NRG1: variants seen among roughly 807,000 people sequenced by gnomAD.
NRG1 encodes pro-neuregulin-1, membrane-bound isoform.
NRG1 carries 18 observed loss-of-function variants against 63.8 expected under a neutral mutation model. The ratio of observed to expected loss-of-function variants is 0.28; its 90% CI spans 0.19 to 0.42. The LOEUF (loss-of-function observed/expected upper bound fraction) is 0.42, where lower values mean the gene tolerates loss of function less well. Ranked by LOEUF, NRG1 falls within the 10% of genes least tolerant of loss-of-function variation. The pLI is 1.00. For missense variants in NRG1, 762 were observed against 814.7 expected (o/e 0.94, Z 0.79); for synonymous variants, 302 against 301.3 (o/e 1.00, Z -0.02).
rs1002165847 is a variant in NRG1, at chr8:32,756,306, C to T, written c.795-97C>T. On this transcript the variant is annotated intron_variant, in intron 8 of 11. Transcript: ENST00000356819. Reference sequence around the variant, plus strand: ...CTCTTCCTCATCACCAGTCTACTGCCTTGAACTACTCATAGGTGTTGGTAG... The same window carrying T: ...CTCTTCCTCATCACCAGTCTACTGCTTTGAACTACTCATAGGTGTTGGTAG... 27 of 1,410,788 alleles carry T rather than the reference C, an allele frequency of 1.9e-5. No homozygotes were observed. In the African/African-American group the frequency reaches 3.8e-4, roughly 20 times the overall value. The allele number at this position is 1,410,788 out of a possible 1,614,324, so 87.4% of individuals were successfully genotyped here.
At chr8:32,058,366 A>T (rs1420683751) in intron 1 of NRG1, among the ~76,000 whole-genome samples, 2 of 152,050 alleles carry the variant, frequency 1.3e-5, no homozygotes, top group Non-Finnish European at 2.9e-5. Context: ...TACCTGGCAC[A>T]ACACATGCAT....
At chr8:31,871,271 G>T (rs556030548) in intron 1 of NRG1, among the ~76,000 whole-genome samples, 1 of 152,006 alleles carries the variant, frequency 6.6e-6, no homozygotes, top group Non-Finnish European at 1.5e-5. Context: ...TACTGTGCCC[G>T]TCCTTGTTTT....
chr8:32,440,293 C>T (rs1290465794), intron 1 of NRG1, among the ~76,000 whole-genome samples: 2 of 152,090 alleles, frequency 1.3e-5, no homozygotes, highest in African/African-American at 4.8e-5. Context: ...GACACAGAGT[C>T]AAACCATAGC....
At chr8:32,164,744 T>C (rs906416426) in intron 1 of NRG1, among the ~76,000 whole-genome samples, 7 of 152,238 alleles carry the variant, frequency 4.6e-5, no homozygotes, top group African/African-American at 1.7e-4. Context: ...TCTCCTTTAA[T>C]CAAAGATGGG....
chr8:31,654,217 C>T (rs910737920), intron 1 of NRG1, among the ~76,000 whole-genome samples: 1 of 152,160 alleles, frequency 6.6e-6, no homozygotes, highest in African/African-American at 2.4e-5. Context: ...ATATCATCCA[C>T]CTACTTCCTG....
At chr8:32,160,665 G>T (rs949179670) in intron 1 of NRG1, among the ~76,000 whole-genome samples, 2 of 152,210 alleles carry the variant, frequency 1.3e-5, no homozygotes, top group Admixed American at 1.3e-4. Context: ...GGGTCCTAAT[G>T]CCAGAGTGCT....
chr8:32,280,695 T>G (rs1199627869), intron 1 of NRG1, among the ~76,000 whole-genome samples: 22 of 120,326 alleles, frequency 1.8e-4, no homozygotes, highest in African/African-American at 6.6e-4. Context: ...TTTTTTGTTT[T>G]TTTTTTTTTT....
chr8:32,520,084 G>C lies in NRG1; in HGVS notation c.38-75744G>C, dbSNP rs564921758. On this transcript the variant is annotated intron_variant, in intron 1 of 10. Transcript: ENST00000519301. ...CTGTAATTGCATATGTGTATACTTA[G>C]GGGGTTAAAGCCTGGCTTCACCACT... Among the ~76,000 whole-genome samples the C allele has an allele frequency of 2.6e-5, 4 of 152,228 alleles. No homozygotes were observed. In the South Asian group the frequency reaches 6.2e-4, roughly 24 times the overall value.
chr8:32,064,965 CA>C (rs1282999579), intron 1 of NRG1, among the ~76,000 whole-genome samples: 2 of 152,064 alleles, frequency 1.3e-5, no homozygotes, highest in Non-Finnish European at 2.9e-5. Context: ...GTACATGATA[CA>C]AGTAAACTTG....
At chr8:32,218,738 T>C (rs1354225221) in intron 1 of NRG1, among the ~76,000 whole-genome samples, 1 of 152,206 alleles carries the variant, frequency 6.6e-6, no homozygotes, top group Non-Finnish European at 1.5e-5. Flanking sequence ...TCATTGTATG[T>C]GTCAAGAAGC....
chr8:32,634,556 A>G (rs1850958407), intron 5 of NRG1, among the ~76,000 whole-genome samples: 1 of 152,244 alleles, frequency 6.6e-6, no homozygotes, highest in South Asian at 2.1e-4. Flanking sequence ...TTCCACATTA[A>G]ATCCTGGTGT....
intron 1 of NRG1, chr8:32,139,578 G>A (rs1370994748): frequency 6.6e-6 from 1 of 152,122 alleles, no homozygotes; most frequent in Admixed American, 6.6e-5. Context: ...AAATGTAGAG[G>A]CCACTTATAG....
In NRG1 at chr8:32,756,384, C is replaced by A. The variant is rs769620465; in HGVS notation, c.795-19C>A. The A allele has an allele frequency of 6.3e-7, 1 of 1,598,052 alleles. No homozygotes were observed. The highest frequency in any genetic ancestry group is 8.5e-7 in the Non-Finnish European group (1 of 1,175,086). On this transcript the variant is annotated intron_variant, in intron 8 of 11. Transcript: ENST00000356819. ...GAAAATAATCAAAAAAAAATAAATGCTCCCTTTCTTATGTCCAGGAAACAG... is the reference window on the plus strand; with the variant it reads ...GAAAATAATCAAAAAAAAATAAATGATCCCTTTCTTATGTCCAGGAAACAG...
chr8:32,748,331 G>GCGCGCGCA (rs1255678173), intron 7 of NRG1, among the ~76,000 whole-genome samples: 19 of 73,702 alleles, frequency 2.6e-4, no homozygotes, highest in East Asian at 1.0e-3. Context: ...ATGTACACGC[G>GCGCGCGCA]CGCGCGCGCA....
At chr8:32,308,348 T>G (rs926845914) in intron 1 of NRG1, among the ~76,000 whole-genome samples, 1 of 152,232 alleles carries the variant, frequency 6.6e-6, no homozygotes, top group Non-Finnish European at 1.5e-5. Context: ...CTCTTTCATA[T>G]ATCTGAATTT....
chr8:31,951,389 T>C (rs1198216738), intron 1 of NRG1, among the ~76,000 whole-genome samples: 2 of 152,088 alleles, frequency 1.3e-5, no homozygotes, highest in African/African-American at 4.8e-5. Flanking sequence ...GCCCCGTGAG[T>C]TGGAACAACC....
intron 1 of NRG1, among the ~76,000 whole-genome samples, chr8:32,113,990 G>A (rs1227728917): frequency 6.6e-6 from 1 of 152,120 alleles, no homozygotes; most frequent in Non-Finnish European, 1.5e-5. Context: ...TGCCATCCAA[G>A]ACCATGCCAT....
intron 1 of NRG1, among the ~76,000 whole-genome samples, chr8:32,238,115 G>A (rs1241410860): frequency 2.0e-5 from 3 of 152,056 alleles, no homozygotes; most frequent in African/African-American, 7.2e-5. Context: ...TGTGTAGTCG[G>A]TGAGGAAATA....
In NRG1 at chr8:32,764,112, C is replaced by T. The variant is rs80127039; in HGVS notation, c.1624C>T (p.Arg542Trp). The T allele has an allele frequency of 0.018, 29,547 of 1,614,054 alleles. 306 individuals carry two copies. Among genetic ancestry groups the T allele is most frequent in the Non-Finnish European group, 0.022 (25,396 of 1,180,008 alleles). ...GCCTGTTAAGAAACTCGCCAATAGC[C>T]GGCGGGCCAAAAGAACCAAGCCCAA... is the stretch of plus-strand genomic sequence containing the variant. Residue 542 changes from arginine to tryptophan, a missense_variant, in exon 12 of 12, where the codon CGG becomes TGG. By Grantham distance (101) the Arg-to-Trp change is moderately radical. This residue lies in a region of NRG1 where 503 missense variants were observed against 506.8 expected (regional missense o/e 0.99). Transcript: ENST00000356819.
Sources: gnomAD v4.1 joint callset for allele counts (sites outside exome capture counted in the v4.1 genomes callset) on GRCh38, gnomAD v4.1.1 for gene constraint, gnomAD v4.1.1 regional missense constraint, MANE v1.5 for transcripts, NCBI Gene and HGNC (gene_info 2026-07-23, HGNC 2026-07-21) for gene names.